Variants in CNTN5 observed in about 807,000 individuals in gnomAD.
The protein encoded by CNTN5 is contactin 5.
A neutral mutation model predicts 129.1 loss-of-function variants in CNTN5; 77 were observed. The ratio of observed to expected loss-of-function variants is 0.60; its 90% CI spans 0.50 to 0.72. The LOEUF is 0.72. Among genes scored for constraint, CNTN5 ranks in the 30% least tolerant of loss-of-function variants. CNTN5 has a pLI of 0.00. For missense variants in CNTN5, 1,478 were observed against 1,328.8 expected (o/e 1.11, Z -1.75); for synonymous variants, 509 against 465.6 (o/e 1.09, Z -1.20).
intron 3 of CNTN5, among the ~76,000 whole-genome samples, chr11:99,790,366 C>A (rs776510469): frequency 2.0e-5 from 3 of 151,860 alleles, no homozygotes; most frequent in Non-Finnish European, 4.4e-5. Flanking sequence ...CTTTTGCTCC[C>A]TTCTTTGTGT....
chr11:99,721,117 T>C (rs1192897923), intron 3 of CNTN5, among the ~76,000 whole-genome samples: 2 of 152,074 alleles, frequency 1.3e-5, no homozygotes, highest in Admixed American at 6.6e-5. Context: ...TCAGAATTCT[T>C]CACAGAACTA....
chr11:99,093,724 C>A (rs993364162), intron 1 of CNTN5, among the ~76,000 whole-genome samples: 1 of 151,812 alleles, frequency 6.6e-6, no homozygotes, highest in Admixed American at 6.6e-5. Flanking sequence ...AGTTTATAGC[C>A]CTTTACATTT....
intron 6 of CNTN5, among the ~76,000 whole-genome samples, chr11:99,847,952 C>A (rs1276962316): frequency 1.3e-5 from 2 of 152,184 alleles, no homozygotes; most frequent in Non-Finnish European, 2.9e-5. Context: ...GTGGCTCACG[C>A]CCATAACCCC....
intron 1 of CNTN5, among the ~76,000 whole-genome samples, chr11:99,136,586 C>T (rs1015855478): frequency 6.6e-6 from 1 of 152,100 alleles, no homozygotes; most frequent in African/African-American, 2.4e-5. Context: ...TCACATGAAC[C>T]AACATCCATT....
intron 2 of CNTN5, among the ~76,000 whole-genome samples, chr11:99,504,291 C>T (rs1162824326): frequency 1.3e-5 from 2 of 151,810 alleles, no homozygotes; most frequent in East Asian, 3.9e-4. Context: ...GCCTGTAATC[C>T]CAGCACTTTG....
chr11:99,258,047 AC>A (rs1862456778), intron 1 of CNTN5, among the ~76,000 whole-genome samples: 1 of 152,018 alleles, frequency 6.6e-6, no homozygotes, highest in Admixed American at 6.6e-5. Context: ...CCCCCTGAAC[AC>A]CTAAAACTGA....
chr11:99,107,049 C>G (rs1312301452), intron 1 of CNTN5, among the ~76,000 whole-genome samples: 3 of 152,072 alleles, frequency 2.0e-5, no homozygotes, highest in African/African-American at 7.2e-5. Flanking sequence ...ATCCAAAATG[C>G]TATCTGTTAT....
intron 13 of CNTN5, among the ~76,000 whole-genome samples, chr11:100,179,134 T>C (rs1948061089): frequency 6.6e-6 from 1 of 152,158 alleles, no homozygotes; most frequent in African/African-American, 2.4e-5. Context: ...ACTGTAGTTA[T>C]CCTGTTGTGC....
At chr11:99,909,367 T>G (rs1385539270) in intron 6 of CNTN5, among the ~76,000 whole-genome samples, 2 of 152,168 alleles carry the variant, frequency 1.3e-5, no homozygotes, top group African/African-American at 2.4e-5. Flanking sequence ...TTGGTGGGAC[T>G]GTAAACCACT....
chr11:100,031,975 T>G (rs1391817842), intron 9 of CNTN5, among the ~76,000 whole-genome samples: 1 of 152,078 alleles, frequency 6.6e-6, no homozygotes, highest in Admixed American at 6.6e-5. Flanking sequence ...CTGTCTTGTG[T>G]GTGTCTATTA....
intron 3 of CNTN5, among the ~76,000 whole-genome samples, chr11:99,779,365 A>C (rs893700941): frequency 6.6e-6 from 1 of 152,052 alleles, no homozygotes; most frequent in African/African-American, 2.4e-5. Context: ...AAGTAGTTAT[A>C]AAATTTGACT....
chr11:99,499,168 A>C (rs1246252958), intron 2 of CNTN5, among the ~76,000 whole-genome samples: 2 of 152,082 alleles, frequency 1.3e-5, no homozygotes, highest in African/African-American at 4.8e-5. Context: ...GATAGTTAAC[A>C]CCCCACTATT....
rs77583348 is a variant in CNTN5, at chr11:99,129,047, C to T, written c.-210+107777C>T. 1.1e-4 allele frequency among the ~76,000 whole-genome samples: 16 copies of T among 152,272 alleles called. No homozygotes were observed. The East Asian group carries it at 3.1e-3, about 29-fold the overall frequency. On this transcript the variant is annotated intron_variant, in intron 1 of 24. Coordinates refer to ENST00000524871, the MANE Select transcript of CNTN5 (RefSeq NM_014361.4). The stretch of plus-strand genomic sequence containing the variant: ...TGAAAATTTCAAAAGCCAGAAATGC[C>T]TCTTCTTCTCCAAACACTTCTCCAG...
chr11:99,657,462 C>A (rs1952419459), intron 3 of CNTN5, among the ~76,000 whole-genome samples: 1 of 152,074 alleles, frequency 6.6e-6, no homozygotes, highest in South Asian at 2.1e-4. Context: ...TCCTTGATTG[C>A]TGTACACGGT....
intron 3 of CNTN5, among the ~76,000 whole-genome samples, chr11:99,703,923 G>A (rs894231474): frequency 2.0e-5 from 3 of 151,020 alleles, no homozygotes; most frequent in African/African-American, 7.3e-5. Flanking sequence ...TAATGCATAG[G>A]ATTGTAGGTA....
At chr11:99,330,367 A>G (rs1057184495) in intron 2 of CNTN5, among the ~76,000 whole-genome samples, 1 of 152,114 alleles carries the variant, frequency 6.6e-6, no homozygotes, top group Admixed American at 6.6e-5. Context: ...CTCTTGTGGG[A>G]TATAAGACTA....
intron 7 of CNTN5, among the ~76,000 whole-genome samples, chr11:99,932,548 A>G (rs570901800): frequency 3.9e-5 from 6 of 152,272 alleles, no homozygotes; most frequent in South Asian, 2.1e-4. Flanking sequence ...ATATGTATAC[A>G]TATTTCTTGG....
At chr11:99,128,809 G>T (rs957626152) in intron 1 of CNTN5, among the ~76,000 whole-genome samples, 4 of 152,104 alleles carry the variant, frequency 2.6e-5, no homozygotes, top group Non-Finnish European at 4.4e-5. Context: ...CTCCACTGGT[G>T]ATATCCAGGT....
chr11:99,436,827 A>G (rs1943617524), intron 2 of CNTN5, among the ~76,000 whole-genome samples: 1 of 152,104 alleles, frequency 6.6e-6, no homozygotes. Flanking sequence ...TGATCATAAG[A>G]TCTCCTTCAT....
Sources: allele counts gnomAD v4.1 joint callset (sites outside exome capture counted in the v4.1 genomes callset), GRCh38; gene constraint gnomAD v4.1.1; transcripts MANE v1.5; gene names NCBI Gene and HGNC (gene_info 2026-07-23, HGNC 2026-07-21).